Variants in FER observed in about 807,000 individuals in gnomAD.
The protein encoded by FER is FER tyrosine kinase.
In FER, 63 loss-of-function variants were observed where a neutral mutation model predicts 111.0. The observed-to-expected ratio is 0.57, with a 90% CI of 0.46 to 0.70. The LOEUF is 0.70. FER is among the 30% of genes least tolerant of loss of function. FER has a pLI of 0.00. For synonymous variants in FER, 327 were observed against 313.9 expected (o/e 1.04, Z -0.44); for missense variants, 914 against 954.0 (o/e 0.96, Z 0.55).
intron 10 of FER, among the ~76,000 whole-genome samples, chr5:108,929,196 T>TA (rs1476546983): frequency 6.6e-6 from 1 of 152,130 alleles, no homozygotes; most frequent in Admixed American, 6.5e-5. Context: ...CAGTAATTAG[T>TA]AAAAACAGAC....
At chr5:108,941,758 TGTA>T (rs1365548383) in intron 10 of FER, among the ~76,000 whole-genome samples, 1 of 152,186 alleles carries the variant, frequency 6.6e-6, no homozygotes, top group East Asian at 1.9e-4. Context: ...GTGTGCATCT[TGTA>T]GTACTGGATA....
At chr5:108,801,381 C>T (rs1474051767) in intron 3 of FER, among the ~76,000 whole-genome samples, 3 of 152,172 alleles carry the variant, frequency 2.0e-5, no homozygotes, top group Admixed American at 6.5e-5. Flanking sequence ...ATCAGTAACA[C>T]ATTTAATTAT....
chr5:109,123,007 T>G (rs1751186484), intron 17 of FER, among the ~76,000 whole-genome samples: 1 of 152,146 alleles, frequency 6.6e-6, no homozygotes, highest in Admixed American at 6.5e-5. Context: ...GGTCTTTTTT[T>G]TATTAATCCA....
chr5:108,945,409 A>G (rs1194664826), intron 10 of FER, among the ~76,000 whole-genome samples: 13 of 151,462 alleles, frequency 8.6e-5, no homozygotes, highest in Admixed American at 8.6e-4. Flanking sequence ...ACTTATGTTT[A>G]TAAAATGGAT....
intron 17 of FER, among the ~76,000 whole-genome samples, chr5:109,169,446 G>T (rs539624208): frequency 6.6e-6 from 1 of 152,200 alleles, no homozygotes; most frequent in South Asian, 2.1e-4. Flanking sequence ...TCATAGGACT[G>T]AAGGGAAATT....
chr5:109,100,480 C>G lies in FER; in HGVS notation c.2009C>G (p.Ala670Gly). The G allele has an allele frequency of 1.2e-6, 2 of 1,611,256 alleles. No homozygotes were observed. The highest frequency in any genetic ancestry group is 1.7e-6 in the Non-Finnish European group (2 of 1,177,992). Reference protein sequence around the residue: ...QLVKFSLDAAAGMLYLESKNC... With the variant: ...QLVKFSLDAAGGMLYLESKNC... ...GTGAAATTTTCATTAGACGCTGCTG[C>G]TGGTATGTTGTATCTCGAGAGTAAA... Residue 670 changes from alanine (A) to glycine (G), a missense_variant, in exon 17 of 20, where the codon GCT becomes GGT. Physicochemically the swap from Ala to Gly is moderately conservative, Grantham distance 60. This residue lies in a region of FER where 774 missense variants were observed against 782.6 expected (regional missense o/e 0.99). Coordinates refer to ENST00000281092, the MANE Select transcript of FER (RefSeq NM_005246.4).
In FER at chr5:108,946,596, A is replaced by G. The variant is rs1457994751; in HGVS notation, c.1329+374A>G. Among the ~76,000 whole-genome samples, 12 of 152,070 alleles carry G rather than the reference A, an allele frequency of 7.9e-5. No homozygotes were observed. In the South Asian group the frequency reaches 2.3e-3, roughly 29 times the overall value. ...TAACCTTTTTACAGTAGGGATTACT[A>G]TATATATTTTAAAAATGTATTTATG... On this transcript the variant is annotated intron_variant, in intron 11 of 19. Coordinates refer to ENST00000281092, the MANE Select transcript of FER (RefSeq NM_005246.4).
At chr5:109,176,252 A>G (rs1757674849) in intron 17 of FER, among the ~76,000 whole-genome samples, 1 of 152,228 alleles carries the variant, frequency 6.6e-6, no homozygotes, top group South Asian at 2.1e-4. Context: ...GTCCATCAAC[A>G]AAGAAAATGT....
intron 16 of FER, among the ~76,000 whole-genome samples, chr5:109,071,371 T>C (rs1210207956): frequency 6.6e-6 from 1 of 152,034 alleles, no homozygotes; most frequent in African/African-American, 2.4e-5. Context: ...TTTGGAAAAA[T>C]ATCACACAGG....
chr5:109,108,237 A>G (rs1582063322), intron 17 of FER, among the ~76,000 whole-genome samples: 1 of 152,192 alleles, frequency 6.6e-6, no homozygotes, highest in Admixed American at 6.5e-5. Flanking sequence ...CAAAAGAGTA[A>G]GTAACTTTTC....
At chr5:109,151,126 G>A (rs187935060) in intron 17 of FER, among the ~76,000 whole-genome samples, 27 of 152,128 alleles carry the variant, frequency 1.8e-4, no homozygotes, top group Admixed American at 9.2e-4. Flanking sequence ...GCTTCCTGCC[G>A]TGCTATACTT....
At chr5:108,777,253 CTTATTT>C (rs1057346590) in intron 2 of FER, among the ~76,000 whole-genome samples, 1 of 152,030 alleles carries the variant, frequency 6.6e-6, no homozygotes, top group Non-Finnish European at 1.5e-5. Flanking sequence ...TGGTCTTATT[CTTATTT>C]TTATTTTTAT....
Position 108,832,864 on chromosome 5 carries a change from C to T in FER, c.302C>T (p.Thr101Ile), listed in dbSNP as rs771766951. The change falls in exon 4 of 20, where the codon ACC becomes ATC. Residue 101 changes from threonine to isoleucine, a missense_variant. This residue lies in a region of FER where 774 missense variants were observed against 782.6 expected (regional missense o/e 0.99). Transcript: ENST00000281092. Reference sequence around the variant, plus strand: ...AACTCTGGACCTTTACACAGGCTCACCATGATGATTAAGGACAAGCAGCAG... The same window carrying T: ...AACTCTGGACCTTTACACAGGCTCATCATGATGATTAAGGACAAGCAGCAG... Reference protein sequence around the residue: ...DLNSGPLHRLTMMIKDKQQVK... With the variant: ...DLNSGPLHRLIMMIKDKQQVK... 3.7e-6 allele frequency: 6 copies of T among 1,607,950 alleles called. No homozygotes were observed. The South Asian group carries it at 6.6e-5, about 18-fold the overall frequency.
At chr5:108,845,022 A>ATATG (rs1761814568) in intron 5 of FER, among the ~76,000 whole-genome samples, 6 of 52,202 alleles carry the variant, frequency 1.1e-4, no homozygotes, top group East Asian at 1.4e-3. Context: ...ATATATATAT[A>ATATG]TATATATATA....
Position 109,100,400 on chromosome 5 carries a change from T to A in FER, c.1929T>A (p.Gly643=), listed in dbSNP as rs774080075. The A allele has an allele frequency of 6.2e-7, 1 of 1,610,164 alleles. No homozygotes were observed. The highest frequency in any genetic ancestry group is 1.1e-5 in the South Asian group (1 of 90,872). Residue 643 remains glycine, a synonymous_variant, in exon 17 of 20, where the codon GGT becomes GGA. Coordinates refer to ENST00000281092, the MANE Select transcript of FER (RefSeq NM_005246.4). ...VYIIMELVSG[G]DFLTFLRRKK... is the part of the protein sequence containing the mutation. ...TTCATCTATCAATTCCTCTAGGAGGTGATTTCCTCACCTTTCTGAGAAGGA... is the reference window on the plus strand; with the variant it reads ...TTCATCTATCAATTCCTCTAGGAGGAGATTTCCTCACCTTTCTGAGAAGGA...
intron 9 of FER, among the ~76,000 whole-genome samples, chr5:108,887,856 A>T (rs1310410417): frequency 1.3e-5 from 2 of 151,834 alleles, no homozygotes; most frequent in African/African-American, 4.8e-5. Context: ...TATGTCATTT[A>T]TGACTTGGTG....
At chr5:108,814,631 C>A (rs1365659995) in intron 3 of FER, among the ~76,000 whole-genome samples, 2 of 152,142 alleles carry the variant, frequency 1.3e-5, no homozygotes, top group African/African-American at 4.8e-5. Context: ...TTAGGACACT[C>A]CTAAGTCTGG....
chr5:109,168,351 G>A (rs1756764212), intron 17 of FER, among the ~76,000 whole-genome samples: 1 of 152,080 alleles, frequency 6.6e-6, no homozygotes, highest in Non-Finnish European at 1.5e-5. Context: ...TCAGGATGGG[G>A]CCTAGTCACC....
At chr5:108,768,455 T>A (rs1752556163) in intron 2 of FER, among the ~76,000 whole-genome samples, 1 of 152,200 alleles carries the variant, frequency 6.6e-6, no homozygotes, top group Non-Finnish European at 1.5e-5. Context: ...TTTTCTCAAC[T>A]AACACTTATA....
Sources: allele counts gnomAD v4.1 joint callset (sites outside exome capture counted in the v4.1 genomes callset), GRCh38; gene constraint gnomAD v4.1.1; regional missense constraint gnomAD v4.1.1; transcripts MANE v1.5; gene names NCBI Gene and HGNC (gene_info 2026-07-23, HGNC 2026-07-21).